The following PTPRT variants were observed in gnomAD, a reference collection of about 807,000 sequenced individuals.
PTPRT encodes the protein receptor-type tyrosine-protein phosphatase T.
A neutral mutation model predicts 176.8 loss-of-function variants in PTPRT; 56 were observed. The ratio of observed to expected loss-of-function variants is 0.32; its 90% CI spans 0.26 to 0.40. The LOEUF (loss-of-function observed/expected upper bound fraction) is 0.40. PTPRT is among the 10% of genes least tolerant of loss of function. The pLI is 1.00. For synonymous variants in PTPRT, 783 were observed against 739.0 expected, an observed-to-expected ratio of 1.06 and a Z score of -0.96; for missense variants, 1,540 against 1,908.2, an observed-to-expected ratio of 0.81 and a Z score of 3.60.
At position 42,883,962 on chromosome 20, in the gene PTPRT, T is replaced by TAC. The variant is rs552445389; in HGVS notation, c.214+1843_214+1844dup. On this transcript the variant is annotated intron_variant, in intron 2 of 30. Transcript: ENST00000373187. ...CACACACCACACCCATACACCCCCATACACACACACACACGCATACACACA... is the reference window on the plus strand; with the variant it reads ...CACACACCACACCCATACACCCCCATACACACACACACACACGCATACACACA... Among the ~76,000 whole-genome samples the TAC allele has an allele frequency of 3.0e-4, 45 of 149,634 alleles. No homozygotes were observed. In the South Asian group the frequency reaches 7.0e-3, roughly 23 times the overall value.
At chr20:42,999,915 G>A (rs530141496) in intron 1 of PTPRT, among the ~76,000 whole-genome samples, 5 of 152,156 alleles carry the variant, frequency 3.3e-5, no homozygotes, top group Non-Finnish European at 7.4e-5. Context: ...TTGAGGCTGT[G>A]TGGGATGCGA....
At chr20:43,025,633 A>G (rs1985878662) in intron 1 of PTPRT, among the ~76,000 whole-genome samples, 1 of 152,198 alleles carries the variant, frequency 6.6e-6, no homozygotes, top group Non-Finnish European at 1.5e-5. Context: ...CAGTATTTTT[A>G]GAGATCTCTA....
At chr20:42,861,480 CATTT>C (rs1568642180) in intron 2 of PTPRT, among the ~76,000 whole-genome samples, 2 of 151,954 alleles carry the variant, frequency 1.3e-5, no homozygotes, top group African/African-American at 4.8e-5. Flanking sequence ...TTCATTCATT[CATTT>C]AAGAAAAAAA....
At chr20:42,373,730 G>A (rs2058617190) in intron 9 of PTPRT, among the ~76,000 whole-genome samples, 1 of 152,216 alleles carries the variant, frequency 6.6e-6, no homozygotes, top group South Asian at 2.1e-4. Context: ...AGGGAGGAGA[G>A]GAAAGCTGTG....
At chr20:42,716,238 TA>T (rs1287778804) in intron 6 of PTPRT, among the ~76,000 whole-genome samples, 3 of 151,708 alleles carry the variant, frequency 2.0e-5, no homozygotes, top group Middle Eastern at 3.2e-3. Flanking sequence ...AATTGCTATT[TA>T]AAAAAAAATT....
chr20:42,537,877 T>G (rs142443391), intron 7 of PTPRT, among the ~76,000 whole-genome samples: 1 of 152,222 alleles, frequency 6.6e-6, no homozygotes, highest in Non-Finnish European at 1.5e-5. Context: ...AAACAACTAG[T>G]TTAGGTCTGA....
At chr20:42,468,691 G>C (rs920259493) in intron 8 of PTPRT, among the ~76,000 whole-genome samples, 2 of 152,186 alleles carry the variant, frequency 1.3e-5, no homozygotes, top group Non-Finnish European at 2.9e-5. Context: ...CTTGGGGTTT[G>C]CTGAGGCACA....
chr20:42,273,992 G>GA (rs1158034717), intron 13 of PTPRT, among the ~76,000 whole-genome samples: 2 of 152,222 alleles, frequency 1.3e-5, no homozygotes, highest in Non-Finnish European at 2.9e-5. Context: ...CAGGAATGGG[G>GA]AGAGATTTTT....
In PTPRT at chr20:42,573,745, C is replaced by CTTTTTTTT. The variant is rs201228742; in HGVS notation, c.1154-101184_1154-101183insAAAAAAAA. ...AAATGGCAAGACGGACCCTTTCTTT[C>CTTTTTTTT]TTTCTTTTTTTTTTTTTTTTTGAGA... On this transcript the variant is annotated intron_variant, in intron 7 of 30. Transcript: ENST00000373187. Among the ~76,000 whole-genome samples, 100 of 115,468 alleles carry CTTTTTTTT rather than the reference C, an allele frequency of 8.7e-4. 6 individuals are homozygous for CTTTTTTTT. The highest frequency in any genetic ancestry group is 1.3e-3 in the African/African-American group (38 of 28,822). 75.8% of individuals were successfully genotyped at this position (115,468 alleles called of 152,430 possible). A position where few individuals can be genotyped will look rare whatever the true frequency, so the allele number is the denominator to read the frequency against.
chr20:42,883,823 C>CAT (rs2079056400), intron 2 of PTPRT, among the ~76,000 whole-genome samples: 1 of 102,268 alleles, frequency 9.8e-6, no homozygotes, highest in Non-Finnish European at 2.0e-5. Flanking sequence ...CCCATATGCA[C>CAT]ACACACACAC....
chr20:42,069,406 G>A (rs1020263307), downstream of PTPRT, among the ~76,000 whole-genome samples: 2 of 152,070 alleles, frequency 1.3e-5, no homozygotes, highest in Non-Finnish European at 2.9e-5. Context: ...TTGACTAACT[G>A]ACTGTGTTCC....
rs577588058 is a variant in PTPRT at position 42,791,257 on chromosome 20, C to T, written c.424G>A (p.Val142Ile). Reference protein sequence around the residue: ...GNPVWNVSGVVTEGWVKAELA... With the variant: ...GNPVWNVSGVITEGWVKAELA... ...TCTGCCTTCACCCAGCCCTCAGTGA[C>T]GACCCCGGACACATTCCACACAGGG... The change falls in exon 3 of 31, where the codon GTC becomes ATC. Residue 142 changes from valine to isoleucine, a missense_variant. Around this residue, in one of 11 missense-constraint regions of PTPRT, gnomAD observed 273 missense variants for 432.1 expected, o/e 0.63. Transcript: ENST00000373187. 63 of 1,612,282 alleles carry T rather than the reference C, an allele frequency of 3.9e-5. No individual in the cohort carries two copies. The highest frequency in any genetic ancestry group is 2.5e-4 in the East Asian group (11 of 44,834).
chr20:42,433,341 G>C (rs1439976556), intron 9 of PTPRT, among the ~76,000 whole-genome samples: 2 of 152,182 alleles, frequency 1.3e-5, no homozygotes, highest in African/African-American at 4.8e-5. Flanking sequence ...GACAGATTCT[G>C]TAGGATGAAC....
chr20:42,228,838 C>T (rs2056075087), intron 15 of PTPRT, among the ~76,000 whole-genome samples: 1 of 152,154 alleles, frequency 6.6e-6, no homozygotes, highest in Non-Finnish European at 1.5e-5. Context: ...CATAGTTCTC[C>T]CTACATGGAG....
intron 1 of PTPRT, among the ~76,000 whole-genome samples, chr20:42,908,639 A>C (rs1388267247): frequency 2.6e-5 from 4 of 152,158 alleles, no homozygotes; most frequent in African/African-American, 9.7e-5. Context: ...AGTCTCCTTC[A>C]AGTTCACAAG....
At chr20:42,558,914 T>A (rs1474111446) in intron 7 of PTPRT, among the ~76,000 whole-genome samples, 1 of 152,110 alleles carries the variant, frequency 6.6e-6, no homozygotes, top group Non-Finnish European at 1.5e-5. Flanking sequence ...GAATTCTCCA[T>A]GTGAAGGAGT....
intron 1 of PTPRT, among the ~76,000 whole-genome samples, chr20:43,000,853 G>A (rs1404953649): frequency 1.3e-5 from 2 of 149,928 alleles, no homozygotes; most frequent in African/African-American, 4.9e-5. Context: ...CTATTAGCAG[G>A]ACTCACAGGC....
intron 7 of PTPRT, among the ~76,000 whole-genome samples, chr20:42,506,935 T>C (rs2071856040): frequency 6.6e-6 from 1 of 152,072 alleles, no homozygotes; most frequent in Non-Finnish European, 1.5e-5. Context: ...GATCCTAGGA[T>C]CTGACCACAT....
chr20:43,016,878 T>A (rs1985399455), intron 1 of PTPRT, among the ~76,000 whole-genome samples: 1 of 152,088 alleles, frequency 6.6e-6, no homozygotes, highest in African/African-American at 2.4e-5. Flanking sequence ...TCCTTCCCTC[T>A]CTGTCAGTCT....
Sources: allele counts gnomAD v4.1 joint callset (sites outside exome capture counted in the v4.1 genomes callset), GRCh38; gene constraint gnomAD v4.1.1; regional missense constraint gnomAD v4.1.1; transcripts MANE v1.5; gene names NCBI Gene and HGNC (gene_info 2026-07-23, HGNC 2026-07-21).